GLIS3: variants seen among roughly 807,000 people sequenced by gnomAD.
The protein encoded by GLIS3 is GLIS family zinc finger 3.
GLIS3 carries 53 observed loss-of-function variants against 78.6 expected under a neutral mutation model. That is an observed-to-expected ratio of 0.67 (90% CI 0.54 to 0.85). GLIS3 has a LOEUF of 0.85. GLIS3 is among the 40% of genes least tolerant of loss of function. The probability of loss-of-function intolerance (pLI) is 0.00; values close to 1 mark genes in which losing one functional copy is unlikely to be tolerated. For synonymous variants in GLIS3, 684 were observed against 509.9 expected, an observed-to-expected ratio of 1.34 and a Z score of -4.60; for missense variants, 1,703 against 1,231.1, an observed-to-expected ratio of 1.38 and a Z score of -5.74.
At position 4,013,633 on chromosome 9, in the gene GLIS3, A is replaced by G. The variant is rs73388262; in HGVS notation, c.1711-76444T>C. On this transcript the variant is annotated intron_variant, in intron 4 of 10. Coordinates refer to ENST00000381971, the MANE Select transcript of GLIS3 (RefSeq NM_001042413.2). ...TGTAGAACACAGGAGGGCTCAAGAG[A>G]TACTATTATTGGCTTAAGTTATTCT... Among the ~76,000 whole-genome samples the G allele has an allele frequency of 9.5e-4, 144 of 152,294 alleles. 2 individuals carry two copies. Among genetic ancestry groups the G allele is most frequent in the African/African-American group, 3.2e-3 (135 of 41,564 alleles).
the GLIS3 span, among the ~76,000 whole-genome samples, chr9:4,404,334 T>A: frequency 6.6e-6 from 1 of 152,026 alleles, no homozygotes; most frequent in Admixed American, 6.6e-5. Context: ...AATCAACAAA[T>A]AAACATTGGA....
intron 2 of GLIS3, among the ~76,000 whole-genome samples, chr9:4,262,222 T>C (rs902877667): frequency 6.6e-6 from 1 of 151,642 alleles, no homozygotes; most frequent in African/African-American, 2.4e-5. Flanking sequence ...GGATGGGAGG[T>C]GTCACTAGCC....
rs2130880809 is a variant in GLIS3 at position 4,118,501 on chromosome 9, G to A, written c.977C>T (p.Ser326Phe). 1 of 1,614,240 alleles carries A rather than the reference G, an allele frequency of 6.2e-7. No individual in the cohort carries two copies. The highest frequency in any genetic ancestry group is 2.2e-5 in the East Asian group (1 of 44,880). ...CGACCCGTTGATGTAGGCCACCAAG[G>A]ACGTGGGCGACGTGCGGATGATGGT... ...FNTIIRTSPTSLVAYINGSRA... is the reference protein window; with the variant it reads ...FNTIIRTSPTFLVAYINGSRA... Residue 326 changes from serine (S) to phenylalanine (F), a missense_variant, in exon 4 of 11, where the codon TCC (serine) becomes TTC (phenylalanine). Ser to Phe is a radical substitution (Grantham distance 155). Transcript: ENST00000381971. This position sits in a 1 kb window ranked among gnomAD's most constrained non-coding sequence, Gnocchi z 4.7.
intron 2 of GLIS3, among the ~76,000 whole-genome samples, chr9:4,248,652 G>A (rs146818297): frequency 6.6e-6 from 1 of 152,108 alleles, no homozygotes; most frequent in South Asian, 2.1e-4. Flanking sequence ...CTAGATCCTT[G>A]AGGAATCGCC....
At chr9:3,902,771 G>A (rs1453998088) in intron 6 of GLIS3, among the ~76,000 whole-genome samples, 1 of 152,190 alleles carries the variant, frequency 6.6e-6, no homozygotes, top group East Asian at 1.9e-4. Flanking sequence ...ATAGTTTTCT[G>A]TTTATGGAAA....
chr9:4,060,103 G>A (rs934309942), intron 4 of GLIS3, among the ~76,000 whole-genome samples: 3 of 152,000 alleles, frequency 2.0e-5, no homozygotes, highest in Non-Finnish European at 4.4e-5. Flanking sequence ...AGCCCTGGTA[G>A]CGCATATCAA....
At chr9:3,875,573 T>C (rs1464625706) in intron 8 of GLIS3, 1 of 152,112 alleles carries the variant, frequency 6.6e-6, no homozygotes, top group African/African-American at 2.4e-5. Context: ...TACTGGGGGA[T>C]TTCCCAGGCA....
chr9:4,153,508 G>C (rs1228089214), intron 2 of GLIS3, among the ~76,000 whole-genome samples: 1 of 152,158 alleles, frequency 6.6e-6, no homozygotes, highest in Non-Finnish European at 1.5e-5. Context: ...AGGTTGCAGT[G>C]AGCTGAGATC....
At chr9:3,897,181 C>G (rs1266325391) in intron 7 of GLIS3, among the ~76,000 whole-genome samples, 2 of 152,090 alleles carry the variant, frequency 1.3e-5, no homozygotes, top group Non-Finnish European at 2.9e-5. Flanking sequence ...TTAAATACAG[C>G]CAGACTAGCC....
At chr9:4,465,105 CCT>C in the GLIS3 span, among the ~76,000 whole-genome samples, 2 of 152,192 alleles carry the variant, frequency 1.3e-5, no homozygotes, top group African/African-American at 4.8e-5. Flanking sequence ...TCAACATTTC[CCT>C]CTCTCTTCCT....
intron 8 of GLIS3, among the ~76,000 whole-genome samples, chr9:3,876,605 T>C (rs996055513): frequency 9.4e-6 from 1 of 106,564 alleles, no homozygotes; most frequent in Non-Finnish European, 1.9e-5. Context: ...TCTGCAACAA[T>C]AGGCAGGAAA....
chr9:3,839,868 T>C (rs1277569855), intron 9 of GLIS3, among the ~76,000 whole-genome samples: 1 of 152,182 alleles, frequency 6.6e-6, no homozygotes, highest in African/African-American at 2.4e-5. Context: ...TTAGTAAAAT[T>C]GATCAAATCA....
chr9:4,288,234 T>C (rs1443043083), intron 1 of GLIS3, among the ~76,000 whole-genome samples: 3 of 152,176 alleles, frequency 2.0e-5, no homozygotes, highest in East Asian at 3.8e-4. Context: ...CCAGATAAAA[T>C]TGGCCATCTA....
At chr9:4,009,317 T>C (rs914378665) in intron 4 of GLIS3, among the ~76,000 whole-genome samples, 19 of 152,318 alleles carry the variant, frequency 1.2e-4, no homozygotes, top group African/African-American at 3.8e-4. Context: ...TTATTGTTTA[T>C]TGTGACAGCC....
chr9:4,402,609 A>G, the GLIS3 span, among the ~76,000 whole-genome samples: 1 of 152,318 alleles, frequency 6.6e-6, no homozygotes, highest in African/African-American at 2.4e-5. Context: ...CTATCAGATA[A>G]ATTTAACAAA....
chr9:4,270,987 A>C (rs1351238518), intron 2 of GLIS3, among the ~76,000 whole-genome samples: 1 of 151,412 alleles, frequency 6.6e-6, no homozygotes, highest in African/African-American at 2.4e-5. Context: ...GATTCACTTA[A>C]ATATAAATTA....
chr9:4,394,237 T>A, the GLIS3 span, among the ~76,000 whole-genome samples: 1 of 151,504 alleles, frequency 6.6e-6, no homozygotes, highest in African/African-American at 2.4e-5. Flanking sequence ...TTAGGAGACA[T>A]TGATTCAATT....
At chr9:3,930,598 T>C (rs1266391936) in intron 6 of GLIS3, among the ~76,000 whole-genome samples, 51 of 152,212 alleles carry the variant, frequency 3.4e-4, no homozygotes, top group Non-Finnish European at 1.0e-4. Flanking sequence ...TATCCCCTGT[T>C]ATGTTTCCAA....
At chr9:4,410,215 G>T in the GLIS3 span, among the ~76,000 whole-genome samples, 177 of 151,060 alleles carry the variant, frequency 1.2e-3, no homozygotes, top group Admixed American at 1.5e-3. Flanking sequence ...GGCCTCAAGC[G>T]ATCCACCTGC....
Sources: allele counts gnomAD v4.1 joint callset (sites outside exome capture counted in the v4.1 genomes callset), GRCh38; gene constraint gnomAD v4.1.1; non-coding constraint Gnocchi (gnomAD v3.1); transcripts MANE v1.5; gene names NCBI Gene and HGNC (gene_info 2026-07-23, HGNC 2026-07-21).